The following LRRK1 variants were observed in gnomAD, a reference collection of about 807,000 sequenced individuals.
The protein encoded by LRRK1 is leucine rich repeat kinase 1, also known as leucine-rich repeat serine/threonine-protein kinase 1.
In LRRK1, 113 loss-of-function variants were observed where a neutral mutation model predicts 209.1. The observed-to-expected ratio is 0.54, with a 90% CI of 0.46 to 0.63. The LOEUF (loss-of-function observed/expected upper bound fraction) is 0.63, where lower values mean the gene tolerates loss of function less well. Among genes scored for constraint, LRRK1 ranks in the 30% least tolerant of loss-of-function variants. LRRK1 has a pLI of 0.00. For missense variants in LRRK1, 2,284 were observed against 2,632.2 expected (o/e 0.87, Z 2.89); for synonymous variants, 1,144 against 1,099.7 (o/e 1.04, Z -0.80).
At chr15:100,961,649 CAAAAA>C (rs10560323) in intron 2 of LRRK1, among the ~76,000 whole-genome samples, 4 of 142,768 alleles carry the variant, frequency 2.8e-5, no homozygotes, top group Non-Finnish European at 4.6e-5. Context: ...GAGACTCCGT[CAAAAA>C]AAAAAAAAAA....
At chr15:100,940,604 T>C (rs990163898) in intron 2 of LRRK1, among the ~76,000 whole-genome samples, 4 of 152,184 alleles carry the variant, frequency 2.6e-5, no homozygotes, top group African/African-American at 9.7e-5. Context: ...TTTTAGTTGA[T>C]TCTTGTTTGT....
Position 101,027,169 on chromosome 15 carries a change from C to T in LRRK1, c.2406-92C>T, listed in dbSNP as rs80233957. 1.9e-4 allele frequency: 278 copies of T among 1,501,446 alleles called. No individual in the cohort carries two copies. In the African/African-American group the frequency reaches 3.0e-3, roughly 16 times the overall value. 93.0% of individuals were successfully genotyped at this position (1,501,446 alleles called of 1,614,324 possible). On this transcript the variant is annotated intron_variant, in intron 17 of 33. Coordinates refer to ENST00000388948, the MANE Select transcript of LRRK1 (RefSeq NM_024652.6). This position sits in a 1 kb window ranked among gnomAD's most constrained non-coding sequence, Gnocchi z 5.1. ...TTCACGAGTTCTCCAGACTTGCCAG[C>T]GTTCAGGACAAACCTCTCAGGGAAA... is the stretch of plus-strand genomic sequence containing the variant.
chr15:101,030,900 T>C (rs1181210826), intron 20 of LRRK1, among the ~76,000 whole-genome samples: 1 of 152,064 alleles, frequency 6.6e-6, no homozygotes, highest in African/African-American at 2.4e-5. Context: ...CTTTTATCCC[T>C]CGCCCACCTC....
intron 2 of LRRK1, among the ~76,000 whole-genome samples, chr15:100,969,607 A>C (rs933170819): frequency 7.2e-5 from 11 of 152,114 alleles, no homozygotes; most frequent in Admixed American, 1.3e-4. Flanking sequence ...CCAGGTATTA[A>C]GCCCAGCATC....
chr15:100,937,399 C>T (rs2141604647), intron 2 of LRRK1, among the ~76,000 whole-genome samples: 1 of 152,028 alleles, frequency 6.6e-6, no homozygotes, highest in South Asian at 2.1e-4. Context: ...CCTCAGAAAC[C>T]ACAGTTTTTA....
chr15:101,018,994 C>T (rs981702778), intron 12 of LRRK1, among the ~76,000 whole-genome samples: 2 of 152,182 alleles, frequency 1.3e-5, no homozygotes, highest in African/African-American at 4.8e-5. Context: ...GTGCAGTGGC[C>T]TCATCCAAAA....
rs569353468 is a variant in LRRK1, at chr15:101,027,564, C to T, written c.2527-74C>T. ...TCCCACCCCCTCAGGCCACAGGGGC[C>T]GGGCAGGATCTGCCCAAGCTGGCAG... is the stretch of plus-strand genomic sequence containing the variant. On this transcript the variant is annotated intron_variant, in intron 18 of 33. Coordinates refer to ENST00000388948, the MANE Select transcript of LRRK1 (RefSeq NM_024652.6). This position sits in a 1 kb window ranked among gnomAD's most constrained non-coding sequence, Gnocchi z 5.1. 27 of 1,558,408 alleles carry T rather than the reference C, an allele frequency of 1.7e-5. No homozygotes were observed. The South Asian group carries it at 2.3e-4, about 13-fold the overall frequency.
chr15:101,026,364 A>C (rs2034033724), intron 17 of LRRK1, among the ~76,000 whole-genome samples: 1 of 152,198 alleles, frequency 6.6e-6, no homozygotes, highest in African/African-American at 2.4e-5. Context: ...TTTCTGCCCC[A>C]TCCCCGCCCC....
chr15:100,947,868 A>T (rs915904545), intron 2 of LRRK1, among the ~76,000 whole-genome samples: 5 of 152,200 alleles, frequency 3.3e-5, no homozygotes, highest in African/African-American at 1.2e-4. Flanking sequence ...GAGGAGGAGA[A>T]ATGAATATTT....
Position 101,075,130 on chromosome 15 carries a change from T to G in LRRK1, c.*6282T>G, listed in dbSNP as rs1345512199. 1.5e-5 allele frequency: 1 copy of G among 65,298 alleles called. No homozygotes were observed. The highest frequency in any genetic ancestry group is 2.9e-4 in the East Asian group (1 of 3,430). The allele number at this position is 65,298 out of a possible 1,614,324, so 4.0% of individuals were successfully genotyped here. A position where few individuals can be genotyped will look rare whatever the true frequency, so the allele number is the denominator to read the frequency against. On this transcript the variant is annotated 3_prime_UTR_variant, in exon 34 of 34. Transcript: ENST00000388948. ...CTTAATCAATACGGAGGCTACCCAC[T>G]CCACATTACCTTCTTTTCAAGGGCC...
chr15:100,975,063 A>G (rs12915954), intron 3 of LRRK1, among the ~76,000 whole-genome samples: 30,685 of 152,198 alleles, frequency 0.2, 3,658 homozygotes, highest in African/African-American at 0.34. Flanking sequence ...TGTTAAGCAG[A>G]AGGAAGGCAT....
intron 20 of LRRK1, 78 bp downstream of exon 20, chr15:101,029,310 G>A (rs1411602854): frequency 1.4e-6 from 2 of 1,401,774 alleles, no homozygotes; most frequent in African/African-American, 1.4e-5. Context: ...GCCACTGGTG[G>A]CCTGAACAAG....
chr15:101,027,124 A>T lies in LRRK1; in HGVS notation c.2406-137A>T. 1 of 1,111,828 alleles carries T rather than the reference A, an allele frequency of 9.0e-7. No homozygotes were observed. 68.9% of individuals were successfully genotyped at this position (1,111,828 alleles called of 1,614,324 possible). A position where few individuals can be genotyped will look rare whatever the true frequency, so the allele number is the denominator to read the frequency against. On this transcript the variant is annotated intron_variant, in intron 17 of 33. Coordinates refer to ENST00000388948, the MANE Select transcript of LRRK1 (RefSeq NM_024652.6). The surrounding 1 kb of genome is among the most constrained non-coding windows in gnomAD (Gnocchi z 5.1). Reference sequence around the variant, plus strand: ...GTGATTTGCACAAAGCAAGGCCTCAATAAACTTCTTGTGTTGTCTTTCACG... The same window carrying T: ...GTGATTTGCACAAAGCAAGGCCTCATTAAACTTCTTGTGTTGTCTTTCACG...
chr15:101,011,508 C>T (rs903661065), intron 9 of LRRK1, among the ~76,000 whole-genome samples: 2 of 150,388 alleles, frequency 1.3e-5, no homozygotes, highest in Non-Finnish European at 1.5e-5. Context: ...AATCTGCACT[C>T]GTAGCACTGC....
At chr15:101,059,250 T>A (rs1226979411) in intron 29 of LRRK1, among the ~76,000 whole-genome samples, 1 of 152,084 alleles carries the variant, frequency 6.6e-6, no homozygotes, top group East Asian at 1.9e-4. Context: ...TAACAAAAAT[T>A]AGCTGGGAAT....
intron 2 of LRRK1, among the ~76,000 whole-genome samples, chr15:100,926,600 G>GT (rs1432939337): frequency 2.0e-3 from 1 of 498 alleles, no homozygotes. Flanking sequence ...TCTTGGGGCA[G>GT]GGGGGCGGGG....
At chr15:100,991,212 ATGTCATAT>A (rs1314562229) in intron 6 of LRRK1, among the ~76,000 whole-genome samples, 1 of 152,182 alleles carries the variant, frequency 6.6e-6, no homozygotes, top group Non-Finnish European at 1.5e-5. Flanking sequence ...TTTCTGGCAA[ATGTCATAT>A]TGTTTCGATT....
At chr15:100,928,587 A>T (rs11637757) in intron 2 of LRRK1, among the ~76,000 whole-genome samples, 54,328 of 152,134 alleles carry the variant, frequency 0.36, 12,709 homozygotes, top group African/African-American at 0.67. Context: ...AGATAACGTG[A>T]TTGAAAACGA....
chr15:101,075,628 C>T lies in LRRK1; in HGVS notation c.*6780C>T, dbSNP rs2036958033. The T allele has an allele frequency of 1.3e-5, 2 of 149,902 alleles. No individual in the cohort carries two copies. Among genetic ancestry groups the T allele is most frequent in the East Asian group, 2.0e-4 (1 of 5,126 alleles). The allele number at this position is 149,902 out of a possible 1,614,324, so 9.3% of individuals were successfully genotyped here. ...CCTATAAACTCTCCTTACAATTCCC[C>T]CATTTCACTTGTCCTAAAACCAGAC... On this transcript the variant is annotated 3_prime_UTR_variant, in exon 34 of 34. Coordinates refer to ENST00000388948, the MANE Select transcript of LRRK1 (RefSeq NM_024652.6).
Sources: gnomAD v4.1 joint callset for allele counts (sites outside exome capture counted in the v4.1 genomes callset) on GRCh38, gnomAD v4.1.1 for gene constraint, Gnocchi (gnomAD v3.1) non-coding constraint, MANE v1.5 for transcripts, NCBI Gene and HGNC (gene_info 2026-07-23, HGNC 2026-07-21) for gene names.